Variants in TBK1 observed in about 807,000 individuals in gnomAD.
TBK1 encodes the protein serine/threonine-protein kinase TBK1.
TBK1 carries 37 observed loss-of-function variants against 99.9 expected under a neutral mutation model. The observed-to-expected ratio is 0.37, with a 90% CI of 0.28 to 0.49. The LOEUF (loss-of-function observed/expected upper bound fraction) is 0.49, where lower values mean the gene tolerates loss of function less well. Among genes scored for constraint, TBK1 ranks in the 20% least tolerant of loss-of-function variants. The probability of loss-of-function intolerance (pLI) is 0.98; values close to 1 mark genes in which losing one functional copy is unlikely to be tolerated. For synonymous variants in TBK1, 258 were observed against 279.8 expected (o/e 0.92, Z 0.78); for missense variants, 644 against 872.5 (o/e 0.74, Z 3.30).
chr12:64,486,144 T>C (rs1158284495), intron 11 of TBK1, 127 bp downstream of exon 11: 2 of 566,664 alleles, frequency 3.5e-6, no homozygotes. Context: ...GTTTCACATT[T>C]AGTTTATAAA....
chr12:64,467,309 T>C (rs1007140735), intron 5 of TBK1, among the ~76,000 whole-genome samples: 2 of 152,214 alleles, frequency 1.3e-5, no homozygotes, highest in Non-Finnish European at 2.9e-5. Context: ...TTAAATTCTT[T>C]AGTTTTACTG....
rs540568572 is a variant in TBK1 at position 64,469,021 on chromosome 12, C to G, written c.540+1939C>G. On this transcript the variant is annotated intron_variant, in intron 5 of 20. Coordinates refer to ENST00000331710, the MANE Select transcript of TBK1 (RefSeq NM_013254.4). ...CTACTGCATCAGTCTAGCCTCCTCT[C>G]CCCTACAACCTGTGTTGTTGAGGGC... Among the ~76,000 whole-genome samples the G allele has an allele frequency of 5.9e-5, 9 of 152,154 alleles. No homozygotes were observed. The South Asian group carries it at 1.2e-3, about 21-fold the overall frequency.
At chr12:64,466,413 A>G (rs2040605073) in intron 4 of TBK1, among the ~76,000 whole-genome samples, 1 of 152,180 alleles carries the variant, frequency 6.6e-6, no homozygotes, top group South Asian at 2.1e-4. Context: ...ATTTTTACAG[A>G]AACAAGTTTG....
chr12:64,496,059 AG>A, intron 15 of TBK1: 2 of 371,084 alleles, frequency 5.4e-6, no homozygotes, highest in Non-Finnish European at 9.6e-6. Context: ...ACTCATCTAC[AG>A]GGGAGAGCCA....
At chr12:64,500,907 C>G (rs1478373004) in intron 20 of TBK1, among the ~76,000 whole-genome samples, 1 of 151,926 alleles carries the variant, frequency 6.6e-6, no homozygotes, top group Non-Finnish European at 1.5e-5. Flanking sequence ...TATAGGCACA[C>G]GCTACCACAC....
chr12:64,454,858 T>C (rs962319385), intron 1 of TBK1, among the ~76,000 whole-genome samples: 1 of 151,328 alleles, frequency 6.6e-6, no homozygotes, highest in Non-Finnish European at 1.5e-5. Context: ...TTTGTATTTT[T>C]AGTAGAGACG....
chr12:64,488,708 C>T lies in TBK1; in HGVS notation c.1442+120C>T, dbSNP rs1412493158. 5 of 757,702 alleles carry T rather than the reference C, an allele frequency of 6.6e-6. No homozygotes were observed. In the East Asian group the frequency reaches 1.6e-4, roughly 24 times the overall value. The allele number at this position is 757,702 out of a possible 1,614,324, so 46.9% of individuals were successfully genotyped here. ...CTATGCTAGGGTTTCTATTAAAGAT[C>T]AGCGGCCTGGCACGGTGGCTCATGC... On this transcript the variant is annotated intron_variant, in intron 12 of 20. Coordinates refer to ENST00000331710, the MANE Select transcript of TBK1 (RefSeq NM_013254.4).
At chr12:64,497,531 G>GT in intron 18 of TBK1, 117 bp from the exon 19 acceptor site, 2 of 696,220 alleles carry the variant, frequency 2.9e-6, no homozygotes, top group South Asian at 2.5e-5. Context: ...AAAATTTAAA[G>GT]TTTTTTTAAA....
chr12:64,489,934 T>A (rs2040853529), intron 12 of TBK1, 107 bp from the exon 13 acceptor site: 2 of 724,920 alleles, frequency 2.8e-6, no homozygotes, highest in South Asian at 5.5e-5. Flanking sequence ...CAATTTTTTA[T>A]TTTTAAATGG....
intron 13 of TBK1, among the ~76,000 whole-genome samples, chr12:64,493,399 G>A (rs903348461): frequency 2.0e-5 from 3 of 151,618 alleles, no homozygotes; most frequent in Admixed American, 1.3e-4. Context: ...GGCTGAGGTA[G>A]GCGGATCACT....
At chr12:64,500,410 G>A (rs1050572584) in intron 20 of TBK1, among the ~76,000 whole-genome samples, 2 of 151,850 alleles carry the variant, frequency 1.3e-5, no homozygotes, top group Non-Finnish European at 1.5e-5. Context: ...ATTTCCCCTC[G>A]TCACCCTCAT....
At chr12:64,456,493 C>G (rs559938918) in intron 2 of TBK1, among the ~76,000 whole-genome samples, 1 of 152,230 alleles carries the variant, frequency 6.6e-6, no homozygotes, top group Non-Finnish European at 1.5e-5. Flanking sequence ...GTAATCAGAA[C>G]CTGGTAGTGG....
At chr12:64,466,069 A>T (rs2040600371) in intron 4 of TBK1, among the ~76,000 whole-genome samples, 2 of 152,194 alleles carry the variant, frequency 1.3e-5, no homozygotes, top group Non-Finnish European at 2.9e-5. Context: ...CTGGAAGCAG[A>T]GTGATTATTT....
chr12:64,468,492 G>GA (rs61344644), intron 5 of TBK1, among the ~76,000 whole-genome samples: 250 of 118,410 alleles, frequency 2.1e-3, no homozygotes, highest in Middle Eastern at 9.6e-3. Flanking sequence ...CTCCGTCTCA[G>GA]AAAAAAAAAA....
intron 5 of TBK1, among the ~76,000 whole-genome samples, chr12:64,473,819 C>G (rs765094414): frequency 2.7e-4 from 41 of 152,244 alleles, no homozygotes; most frequent in Non-Finnish European, 4.6e-4. Context: ...CACTTGTAGT[C>G]CCAGCTACTC....
intron 3 of TBK1, among the ~76,000 whole-genome samples, chr12:64,460,986 T>A (rs1388131245): frequency 6.6e-6 from 1 of 150,950 alleles, no homozygotes; most frequent in Admixed American, 6.6e-5. Flanking sequence ...GAGGCTGAAG[T>A]GGGAGGATCA....
chr12:64,467,041 G>A lies in TBK1; in HGVS notation c.499G>A (p.Asp167Asn). ...TGGTGCAGCTAGAGAATTAGAAGAT[G>A]ATGAGCAGTTTGTTTCTCTGTATGG... ...DFGAARELED[D>N]EQFVSLYGTE... Residue 167 changes from aspartate (D) to asparagine (N), a missense_variant, in exon 5 of 21, where the codon GAT becomes AAT. Around this residue, in one of 3 missense-constraint regions of TBK1, gnomAD observed 148 missense variants for 202.1 expected, o/e 0.73. Transcript: ENST00000331710. The A allele has an allele frequency of 6.2e-7, 1 of 1,610,234 alleles. No homozygotes were observed. The highest frequency in any genetic ancestry group is 1.1e-5 in the South Asian group (1 of 90,586).
chr12:64,460,402 G>C, intron 3 of TBK1, 73 bp downstream of exon 3: 1 of 1,243,358 alleles, frequency 8.0e-7, no homozygotes, highest in Non-Finnish European at 1.1e-6. Flanking sequence ...ATTAAAAAAT[G>C]GATTTTTTAA....
intron 13 of TBK1, among the ~76,000 whole-genome samples, chr12:64,491,657 C>T (rs1054749491): frequency 1.2e-4 from 18 of 152,142 alleles, no homozygotes; most frequent in Admixed American, 2.6e-4. Flanking sequence ...TGTAATCTTG[C>T]AAGCTTTTAG....
Sources: gnomAD v4.1 joint callset for allele counts (sites outside exome capture counted in the v4.1 genomes callset) on GRCh38, gnomAD v4.1.1 for gene constraint, gnomAD v4.1.1 regional missense constraint, MANE v1.5 for transcripts, NCBI Gene and HGNC (gene_info 2026-07-23, HGNC 2026-07-21) for gene names.